The following CR2 variants were observed in gnomAD, a reference collection of about 807,000 sequenced individuals.
CR2 encodes complement receptor type 2.
In CR2, 96 loss-of-function variants were observed where a neutral mutation model predicts 123.0. That is an observed-to-expected ratio of 0.78 (90% CI 0.66 to 0.93). The LOEUF is 0.93. CR2 is among the 40% of genes least tolerant of loss of function. The pLI is 0.00. For missense variants in CR2, 1,258 were observed against 1,361.0 expected (o/e 0.92, Z 1.19); for synonymous variants, 484 against 469.5 (o/e 1.03, Z -0.40).
At position 207,454,559 on chromosome 1, in the gene CR2, A is replaced by C; in HGVS notation, c.58+83A>C. 8.9e-7 allele frequency: 1 copy of C among 1,121,528 alleles called. No individual in the cohort carries two copies. Among genetic ancestry groups the C allele is most frequent in the South Asian group, 1.5e-5 (1 of 65,214 alleles). 69.5% of individuals were successfully genotyped at this position (1,121,528 alleles called of 1,614,324 possible). ...GTGCCGCGATGCAAAGCAGGGGGCCAAAAGCGAGACGGTGGGGGCAGTGCT... is the reference window on the plus strand; with the variant it reads ...GTGCCGCGATGCAAAGCAGGGGGCCCAAAGCGAGACGGTGGGGGCAGTGCT... On this transcript the variant is annotated intron_variant, in intron 1 of 19. Transcript: ENST00000367057. The surrounding 1 kb of genome is among the most constrained non-coding windows in gnomAD (Gnocchi z 4.3).
chr1:207,454,710 G>T lies in CR2; in HGVS notation c.58+234G>T. The T allele has an allele frequency of 2.1e-6, 1 of 467,132 alleles. No individual in the cohort carries two copies. Among genetic ancestry groups the T allele is most frequent in the Non-Finnish European group, 3.8e-6 (1 of 264,282 alleles). The allele number at this position is 467,132 out of a possible 1,614,324, so 28.9% of individuals were successfully genotyped here. Reference sequence around the variant, plus strand: ...ATTGGAGGCTGCGCCACAGAGGGGCGCTGTCTGGTCGGCCCGGTGTGGCTG... The same window carrying T: ...ATTGGAGGCTGCGCCACAGAGGGGCTCTGTCTGGTCGGCCCGGTGTGGCTG... On this transcript the variant is annotated intron_variant, in intron 1 of 19. Coordinates refer to ENST00000367057, the MANE Select transcript of CR2 (RefSeq NM_001006658.3). This position sits in a 1 kb window ranked among gnomAD's most constrained non-coding sequence, Gnocchi z 4.3.
At chr1:207,466,413 T>C in intron 1 of CR2, 113 bp from the exon 2 acceptor site, 1 of 1,247,882 alleles carries the variant, frequency 8.0e-7, no homozygotes, top group Non-Finnish European at 1.2e-6. Context: ...TATACATATT[T>C]CTAAGTCTGT....
chr1:207,462,509 A>C (rs1657992067), intron 1 of CR2, among the ~76,000 whole-genome samples: 1 of 152,194 alleles, frequency 6.6e-6, no homozygotes, highest in South Asian at 2.1e-4. Flanking sequence ...CCCTATAAAC[A>C]GTGGTAAGTC....
chr1:207,485,313 G>A (rs1658718773), intron 18 of CR2, 151 bp from the exon 19 acceptor site: 1 of 605,960 alleles, frequency 1.7e-6, no homozygotes, highest in Non-Finnish European at 3.1e-6. Flanking sequence ...TTCTGCACAT[G>A]TATCCCAGAA....
intron 13 of CR2, 27 bp downstream of exon 13, chr1:207,474,350 C>T (rs1410969357): frequency 6.6e-7 from 1 of 1,507,546 alleles, no homozygotes; most frequent in Non-Finnish European, 9.2e-7. Context: ...AAAAGCCTGA[C>T]AATGGTAATG....
intron 12 of CR2, 149 bp downstream of exon 12, chr1:207,474,034 C>T: frequency 1.2e-6 from 1 of 859,216 alleles, no homozygotes; most frequent in Non-Finnish European, 1.9e-6. Flanking sequence ...TAAATAGCAA[C>T]TCTGACTCTT....
intron 5 of CR2, 58 bp downstream of exon 5, chr1:207,469,290 T>C (rs1157827883): frequency 7.5e-7 from 1 of 1,331,044 alleles, no homozygotes; most frequent in Non-Finnish European, 1.1e-6. Flanking sequence ...TAAAAGCTTT[T>C]GGTTCAGTCA....
chr1:207,473,007 C>T lies in CR2; in HGVS notation c.1806C>T (p.Cys602=), dbSNP rs1484009583. The T allele has an allele frequency of 6.2e-7, 1 of 1,613,864 alleles. No individual in the cohort carries two copies. The highest frequency in any genetic ancestry group is 8.5e-7 in the Non-Finnish European group (1 of 1,179,946). Residue 602 remains cysteine (C), a synonymous_variant, in exon 10 of 20, where the codon TGC becomes TGT. Transcript: ENST00000367057. ...AACTTTCCCTCCTTGCTGTCCAGTG[C>T]TCACATGTCCATATTGCAAATGGAT... ...LCKLSLLAVQ[C]SHVHIANGYK... is the part of the protein sequence containing the mutation.
chr1:207,485,108 G>A (rs1353115978), intron 18 of CR2, among the ~76,000 whole-genome samples: 1 of 152,162 alleles, frequency 6.6e-6, no homozygotes, highest in Admixed American at 6.5e-5. Flanking sequence ...AACACCGTAT[G>A]TTCTCACTTG....
chr1:207,463,858 T>C (rs1427755850), intron 1 of CR2, among the ~76,000 whole-genome samples: 1 of 152,088 alleles, frequency 6.6e-6, no homozygotes, highest in African/African-American at 2.4e-5. Context: ...TTGCACCCTA[T>C]TTAATTCCTC....
intron 6 of CR2, among the ~76,000 whole-genome samples, chr1:207,470,444 A>G (rs1658235621): frequency 6.6e-6 from 1 of 152,202 alleles, no homozygotes; most frequent in African/African-American, 2.4e-5. Context: ...TCTCCCATAA[A>G]AAACATACAA....
Position 207,467,940 on chromosome 1 carries a change from G to A in CR2, c.446-587G>A, listed in dbSNP as rs893463835. Among the ~76,000 whole-genome samples, 4 of 152,284 alleles carry A rather than the reference G, an allele frequency of 2.6e-5. No individual in the cohort carries two copies. In the East Asian group the frequency reaches 7.7e-4, roughly 29 times the overall value. On this transcript the variant is annotated intron_variant, in intron 2 of 19. Coordinates refer to ENST00000367057, the MANE Select transcript of CR2 (RefSeq NM_001006658.3). The stretch of plus-strand genomic sequence containing the variant: ...TATATTGCCAATATCTACCAGGATA[G>A]CCCTTGAAATGATAGCATGCTACTT...
chr1:207,468,934 T>C (rs1341360994), intron 4 of CR2, 35 bp downstream of exon 4: 1 of 1,605,386 alleles, frequency 6.2e-7, no homozygotes, highest in Admixed American at 1.7e-5. Flanking sequence ...ATTTAATTCA[T>C]TTGTCTTGTG....
chr1:207,459,190 G>C (rs1328220425), intron 1 of CR2, among the ~76,000 whole-genome samples: 1 of 152,188 alleles, frequency 6.6e-6, no homozygotes, highest in East Asian at 1.9e-4. Flanking sequence ...GGATGTTCTT[G>C]TAGGGTTGCA....
chr1:207,471,357 G>C (rs1658274689), intron 8 of CR2, 66 bp from the exon 9 acceptor site: 1 of 1,241,430 alleles, frequency 8.1e-7, no homozygotes, highest in Admixed American at 1.7e-5. Context: ...CTGCTTGGGA[G>C]CCATGGCTCT....
Position 207,475,064 on chromosome 1 carries a change from G to T in CR2, c.2564G>T (p.Gly855Val), listed in dbSNP as rs745514133. 6.2e-7 allele frequency: 1 copy of T among 1,613,278 alleles called. No homozygotes were observed. The highest frequency in any genetic ancestry group is 8.5e-7 in the Non-Finnish European group (1 of 1,179,412). ...TRCPNPEVKH[G>V]YKLNKTHSAY... is the part of the protein sequence containing the mutation. ...TGCCCTAATCCAGAAGTCAAACATGGGTACAAGCTCAATAAAACACATTCT... is the reference window on the plus strand; with the variant it reads ...TGCCCTAATCCAGAAGTCAAACATGTGTACAAGCTCAATAAAACACATTCT... The change falls in exon 14 of 20, where the codon GGG becomes GTG. Residue 855 changes from glycine to valine, a missense_variant. Coordinates refer to ENST00000367057, the MANE Select transcript of CR2 (RefSeq NM_001006658.3).
chr1:207,472,665 T>G, intron 9 of CR2, 107 bp from the exon 10 acceptor site: 1 of 1,152,842 alleles, frequency 8.7e-7, no homozygotes. Flanking sequence ...AATGTACCCA[T>G]ACCGTCCAGG....
At chr1:207,481,767 T>C (rs1033667185) in intron 18 of CR2, among the ~76,000 whole-genome samples, 1 of 152,220 alleles carries the variant, frequency 6.6e-6, no homozygotes, top group South Asian at 2.1e-4. Context: ...TATCTTATTT[T>C]TATTGCTTTA....
chr1:207,473,471 A>C (rs1658345787), intron 10 of CR2, 74 bp from the exon 11 acceptor site: 1 of 1,444,726 alleles, frequency 6.9e-7, no homozygotes, highest in Admixed American at 1.7e-5. Context: ...CTGTCTGTCC[A>C]ATGTTGTACA....
Sources: allele counts gnomAD v4.1 joint callset (sites outside exome capture counted in the v4.1 genomes callset), GRCh38; gene constraint gnomAD v4.1.1; non-coding constraint Gnocchi (gnomAD v3.1); transcripts MANE v1.5; gene names NCBI Gene and HGNC (gene_info 2026-07-23, HGNC 2026-07-21).